The following LHFPL2 variants were observed in gnomAD, a reference collection of about 807,000 sequenced individuals.
The protein encoded by LHFPL2 is LHFPL tetraspan subfamily member 2.
In LHFPL2, 7 loss-of-function variants were observed where a neutral mutation model predicts 17.5. The ratio of observed to expected loss-of-function variants is 0.40; its 90% confidence interval spans 0.23 to 0.75. The LOEUF (loss-of-function observed/expected upper bound fraction) is 0.75. Ranked by LOEUF, LHFPL2 falls within the 30% of genes least tolerant of loss-of-function variation. LHFPL2 has a pLI of 0.37. For missense variants in LHFPL2, 241 were observed against 294.8 expected, an observed-to-expected ratio of 0.82 and a Z score of 1.34; for synonymous variants, 134 against 116.2, an observed-to-expected ratio of 1.15 and a Z score of -0.99.
intron 3 of LHFPL2, among the ~76,000 whole-genome samples, chr5:78,525,108 G>A (rs1475897338): frequency 3.9e-5 from 6 of 152,178 alleles, no homozygotes; most frequent in East Asian, 1.9e-4. Context: ...TGCCAGTAGC[G>A]CGCTCTCAGT....
At chr5:78,496,330 A>G (rs980039365) in intron 4 of LHFPL2, among the ~76,000 whole-genome samples, 4 of 152,218 alleles carry the variant, frequency 2.6e-5, no homozygotes, top group Non-Finnish European at 4.4e-5. Context: ...ACATTCACTG[A>G]TAAACCTGCT....
At chr5:78,496,866 G>T (rs1754623716) in intron 4 of LHFPL2, among the ~76,000 whole-genome samples, 1 of 152,118 alleles carries the variant, frequency 6.6e-6, no homozygotes, top group East Asian at 1.9e-4. Context: ...GGTGCCCAGG[G>T]CTCACTCCTT....
At position 78,581,274 on chromosome 5, in the gene LHFPL2, AC is replaced by A. The variant is rs933555424; in HGVS notation, c.-244-16404del. On this transcript the variant is annotated intron_variant, in intron 2 of 4. Coordinates refer to ENST00000380345, the MANE Select transcript of LHFPL2 (RefSeq NM_005779.3). ...TGACTTCCTCTTTTCCTAATTGAAT[AC>A]CCTTTATTTCCTTCCCCTGCCTAAT... 6.9e-4 allele frequency among the ~76,000 whole-genome samples: 105 copies of A among 152,248 alleles called. 1 individual carries two copies. Among genetic ancestry groups the A allele is most frequent in the African/African-American group, 2.4e-3 (101 of 41,528 alleles).
At chr5:78,510,516 C>A in intron 3 of LHFPL2, 118 bp from the exon 4 acceptor site, 1 of 380,440 alleles carries the variant, frequency 2.6e-6, no homozygotes, top group Non-Finnish European at 4.7e-6. Context: ...AAGCCCCGGG[C>A]CTGGCTAGCA....
At chr5:78,555,165 G>A (rs1365189007) in intron 3 of LHFPL2, among the ~76,000 whole-genome samples, 1 of 152,160 alleles carries the variant, frequency 6.6e-6, no homozygotes, top group East Asian at 1.9e-4. Context: ...TCAAATCAAA[G>A]CCCTTTAACT....
intron 3 of LHFPL2, among the ~76,000 whole-genome samples, chr5:78,558,759 A>T (rs772342581): frequency 5.3e-5 from 8 of 152,236 alleles, no homozygotes; most frequent in Non-Finnish European, 8.8e-5. Context: ...GAACATGGGC[A>T]CTCCGGTCAC....
At chr5:78,567,476 G>A (rs940681532) in intron 2 of LHFPL2, among the ~76,000 whole-genome samples, 2 of 152,078 alleles carry the variant, frequency 1.3e-5, no homozygotes, top group Non-Finnish European at 2.9e-5. Context: ...GTCAGGCATT[G>A]TTCTATGTAT....
At chr5:78,568,299 C>T (rs938151314) in intron 2 of LHFPL2, among the ~76,000 whole-genome samples, 7 of 152,090 alleles carry the variant, frequency 4.6e-5, no homozygotes, top group African/African-American at 7.2e-5. Context: ...TTAAAACTAC[C>T]GTGTTTTTGC....
At chr5:78,533,322 C>T (rs559790261) in intron 3 of LHFPL2, among the ~76,000 whole-genome samples, 2 of 152,302 alleles carry the variant, frequency 1.3e-5, no homozygotes, top group East Asian at 3.9e-4. Context: ...AAGCTCTGTT[C>T]TATCTATTAG....
rs1754325835 is a variant in LHFPL2 at position 78,488,515 on chromosome 5, ACAAG to A, written c.*378_*381del. The A allele has an allele frequency of 4.2e-6, 1 of 235,680 alleles. No homozygotes were observed. The highest frequency in any genetic ancestry group is 5.1e-5 in the Admixed American group (1 of 19,740). 14.6% of individuals were successfully genotyped at this position (235,680 alleles called of 1,614,324 possible). A position where few individuals can be genotyped will look rare whatever the true frequency, so the allele number is the denominator to read the frequency against. ...ACCCCATTCTGAGGCAGAGATGCTC[ACAAG>A]CAAGCAGTGTTGGAGCAGAAACAGC... On this transcript the variant is annotated 3_prime_UTR_variant, in exon 5 of 5. Coordinates refer to ENST00000380345, the MANE Select transcript of LHFPL2 (RefSeq NM_005779.3).
chr5:78,491,135 A>T (rs571681505), intron 4 of LHFPL2: 1 of 152,362 alleles, frequency 6.6e-6, no homozygotes, highest in Admixed American at 6.5e-5. Flanking sequence ...TTGGCATGTC[A>T]CTACCAGGGC....
chr5:78,501,775 C>A (rs896812476), intron 4 of LHFPL2, among the ~76,000 whole-genome samples: 1 of 152,084 alleles, frequency 6.6e-6, no homozygotes, highest in Non-Finnish European at 1.5e-5. Context: ...GGCTTAACGT[C>A]GACATTTAGT....
intron 3 of LHFPL2, among the ~76,000 whole-genome samples, chr5:78,560,040 T>C (rs1021151390): frequency 6.6e-6 from 1 of 152,204 alleles, no homozygotes; most frequent in Admixed American, 6.5e-5. Flanking sequence ...CATCACAGAC[T>C]GAGTACACAC....
rs1483768928 is a variant in LHFPL2, at chr5:78,502,962, G to A, written c.430+6822C>T. 2.0e-5 allele frequency among the ~76,000 whole-genome samples: 3 copies of A among 152,164 alleles called. No individual in the cohort carries two copies. In the East Asian group the frequency reaches 5.8e-4, roughly 29 times the overall value. On this transcript the variant is annotated intron_variant, in intron 4 of 4. Transcript: ENST00000380345. ...AATATTGGCTTCATTTTCTCCGCATGTGTAGTTTTAGATTTAATATGTAAT... is the reference window on the plus strand; with the variant it reads ...AATATTGGCTTCATTTTCTCCGCATATGTAGTTTTAGATTTAATATGTAAT...
At chr5:78,538,624 T>C (rs1355776437) in intron 3 of LHFPL2, among the ~76,000 whole-genome samples, 1 of 152,152 alleles carries the variant, frequency 6.6e-6, no homozygotes, top group Non-Finnish European at 1.5e-5. Context: ...GAGACTACAG[T>C]TGTGTCCAAA....
At chr5:78,627,803 C>T (rs1363676719) in intron 2 of LHFPL2, among the ~76,000 whole-genome samples, 3 of 152,166 alleles carry the variant, frequency 2.0e-5, no homozygotes, top group African/African-American at 4.8e-5. Context: ...TTTGACACTC[C>T]GAATAATGCT....
intron 3 of LHFPL2, among the ~76,000 whole-genome samples, chr5:78,523,506 G>C (rs570661329): frequency 2.2e-4 from 33 of 152,172 alleles, no homozygotes; most frequent in Middle Eastern, 6.8e-3. Context: ...ACAGGCAAAG[G>C]GGGGAAATCT....
At chr5:78,597,394 T>C (rs965867440) in intron 2 of LHFPL2, among the ~76,000 whole-genome samples, 1 of 152,214 alleles carries the variant, frequency 6.6e-6, no homozygotes, top group African/African-American at 2.4e-5. Flanking sequence ...TCTAATTTTT[T>C]CCCAAACCTA....
chr5:78,546,842 T>C (rs944537383), intron 3 of LHFPL2, among the ~76,000 whole-genome samples: 1 of 152,350 alleles, frequency 6.6e-6, no homozygotes, highest in African/African-American at 2.4e-5. Context: ...CCCAGAAATG[T>C]AATCATTAGT....
Sources: gnomAD v4.1 joint callset for allele counts (sites outside exome capture counted in the v4.1 genomes callset) on GRCh38, gnomAD v4.1.1 for gene constraint, MANE v1.5 for transcripts, NCBI Gene and HGNC (gene_info 2026-07-23, HGNC 2026-07-21) for gene names.